Variants in ILF2 observed in about 807,000 individuals in gnomAD.
The protein encoded by ILF2 is interleukin enhancer-binding factor 2.
ILF2 carries 9 observed loss-of-function variants against 55.3 expected under a neutral mutation model. The observed-to-expected ratio is 0.16, with a 90% CI of 0.10 to 0.28. ILF2 has a LOEUF of 0.28. ILF2 is among the 10% of genes least tolerant of loss of function. The pLI is 1.00. For synonymous variants in ILF2, 151 were observed against 161.8 expected (o/e 0.93, Z 0.50); for missense variants, 266 against 474.9 (o/e 0.56, Z 4.09).
chr1:153,663,420 C>G (rs1418786438), intron 10 of ILF2, 144 bp from the exon 11 acceptor site: 13 of 739,208 alleles, frequency 1.8e-5, no homozygotes, highest in African/African-American at 3.5e-5. Context: ...CCGCGAACTC[C>G]TGGGCTCAAG....
At position 153,668,574 on chromosome 1, in the gene ILF2, C is replaced by G; in HGVS notation, c.109-17G>C. 1 of 1,600,704 alleles carries G rather than the reference C, an allele frequency of 6.2e-7. No homozygotes were observed. The highest frequency in any genetic ancestry group is 8.5e-7 in the Non-Finnish European group (1 of 1,173,258). ...CATTTCACACTAAACCAGAAGTAAA[C>G]AACTACATTCTATTTGCCGAAGATA... is the stretch of plus-strand genomic sequence containing the variant. On this transcript the variant is annotated splice_polypyrimidine_tract_variant and intron_variant, in intron 3 of 13. Transcript: ENST00000361891.
chr1:153,665,778 T>C, intron 6 of ILF2, 50 bp from the exon 7 acceptor site: 2 of 1,392,906 alleles, frequency 1.4e-6, no homozygotes, highest in Non-Finnish European at 2.0e-6. Flanking sequence ...TTGCCTAGAC[T>C]TTCTATGTAT....
At position 153,665,406 on chromosome 1, in the gene ILF2, G is replaced by A. The variant is rs372007721; in HGVS notation, c.461-70C>T. On this transcript the variant is annotated intron_variant, in intron 7 of 13. Transcript: ENST00000361891. Reference sequence around the variant, plus strand: ...AGATGATCAAAGTTAAATCCAGGGTGGGGGGGAACAGGTGGATTTTTTAAA... The same window carrying A: ...AGATGATCAAAGTTAAATCCAGGGTAGGGGGGAACAGGTGGATTTTTTAAA... 24 of 1,038,630 alleles carry A rather than the reference G, an allele frequency of 2.3e-5. No individual in the cohort carries two copies. The African/African-American group carries it at 2.7e-4, about 12-fold the overall frequency. The allele number at this position is 1,038,630 out of a possible 1,614,324, so 64.3% of individuals were successfully genotyped here. A position where few individuals can be genotyped will look rare whatever the true frequency, so the allele number is the denominator to read the frequency against.
chr1:153,667,044 C>T (rs567483611), intron 6 of ILF2, among the ~76,000 whole-genome samples: 1 of 152,336 alleles, frequency 6.6e-6, no homozygotes, highest in Admixed American at 6.5e-5. Context: ...ACAGCTAGAA[C>T]CCAGGAGGTG....
Position 153,662,714 on chromosome 1 carries a change from C to T in ILF2, c.1003G>A (p.Asp335Asn). ...GFRKILGQEG[D>N]ASYLASEIST... Reference sequence around the variant, plus strand: ...CACAGTGGTCACTCACAGCTGGCATCACCCTCCTGGCCAAGGATCTTCCTA... The same window carrying T: ...CACAGTGGTCACTCACAGCTGGCATTACCCTCCTGGCCAAGGATCTTCCTA... Residue 335 changes from aspartate to asparagine, a missense_variant, in exon 13 of 14, where the codon GAT becomes AAT. Coordinates refer to ENST00000361891, the MANE Select transcript of ILF2 (RefSeq NM_004515.4). 6.2e-7 allele frequency: 1 copy of T among 1,614,128 alleles called. No homozygotes were observed. Among genetic ancestry groups the T allele is most frequent in the South Asian group, 1.1e-5 (1 of 91,078 alleles).
At chr1:153,665,395 A>G in intron 7 of ILF2, 59 bp from the exon 8 acceptor site, 1 of 1,157,378 alleles carries the variant, frequency 8.6e-7, no homozygotes, top group Non-Finnish European at 1.3e-6. Flanking sequence ...GATCAAAGTT[A>G]AATCCAGGGT....
intron 9 of ILF2, 67 bp from the exon 10 acceptor site, chr1:153,664,197 T>A (rs76208929): frequency 9.3e-7 from 1 of 1,078,700 alleles, no homozygotes; most frequent in African/African-American, 1.6e-5. Flanking sequence ...TAAGGTAGAA[T>A]TGAAGCTGAC....
chr1:153,663,968 C>T (rs1571334317), intron 10 of ILF2, 75 bp downstream of exon 10: 1 of 688,828 alleles, frequency 1.5e-6, no homozygotes. Context: ...ACTACTACTA[C>T]TACTACTACT....
Position 153,670,224 on chromosome 1 carries a change from G to C in ILF2, c.12C>G (p.Asp4Glu). Reference sequence around the variant, plus strand: ...AGCGCCCACCACGACCACGGCCTCTGTCACCCCTAGAAATGCAGATTTTAT... The same window carrying C: ...AGCGCCCACCACGACCACGGCCTCTCTCACCCCTAGAAATGCAGATTTTAT... MRG[D>E]RGRGRGGRFG... Residue 4 changes from aspartate (D) to glutamate (E), a missense_variant, in exon 2 of 14, where the codon GAC (aspartate) becomes GAG (glutamate). Asp to Glu is a conservative substitution (Grantham distance 45). Coordinates refer to ENST00000361891, the MANE Select transcript of ILF2 (RefSeq NM_004515.4). 1 of 1,613,900 alleles carries C rather than the reference G, an allele frequency of 6.2e-7. No individual in the cohort carries two copies. Among genetic ancestry groups the C allele is most frequent in the Non-Finnish European group, 8.5e-7 (1 of 1,179,950 alleles).
In ILF2 at chr1:153,662,337, T is replaced by G; in HGVS notation, c.*59A>C. On this transcript the variant is annotated 3_prime_UTR_variant, in exon 14 of 14. Coordinates refer to ENST00000361891, the MANE Select transcript of ILF2 (RefSeq NM_004515.4). Reference sequence around the variant, plus strand: ...ATGTCTGTCACCATGTAAAGCCCAGTAGCAGGCAGCTTAGGCTCCAGTCTT... The same window carrying G: ...ATGTCTGTCACCATGTAAAGCCCAGGAGCAGGCAGCTTAGGCTCCAGTCTT... The G allele has an allele frequency of 1.2e-6, 2 of 1,606,864 alleles. No individual in the cohort carries two copies. The highest frequency in any genetic ancestry group is 2.2e-5 in the South Asian group (2 of 90,224).
intron 6 of ILF2, 81 bp downstream of exon 6, chr1:153,667,474 G>T: frequency 1.0e-6 from 1 of 995,006 alleles, no homozygotes. Flanking sequence ...GGGAGAATTT[G>T]TCTCAAAACA....
intron 10 of ILF2, 29 bp from the exon 11 acceptor site, chr1:153,663,305 C>G (rs749629839): frequency 1.2e-6 from 2 of 1,603,518 alleles, no homozygotes; most frequent in East Asian, 4.5e-5. Flanking sequence ...AGTAGGTGTG[C>G]CATCAAAATG....
chr1:153,669,625 G>T (rs1198513775), intron 3 of ILF2, among the ~76,000 whole-genome samples: 3 of 152,022 alleles, frequency 2.0e-5, no homozygotes, highest in Admixed American at 2.0e-4. Flanking sequence ...ATTTTTAGTA[G>T]AGACGGGGTT....
Position 153,667,596 on chromosome 1 carries a change from T to C in ILF2, c.353A>G (p.Asn118Ser). The change falls in exon 6 of 14, where the codon AAT becomes AGT. Residue 118 changes from asparagine (N) to serine (S), a missense_variant. By Grantham distance (46) the Asn-to-Ser change is conservative. Transcript: ENST00000361891. Reference protein sequence around the residue: ...YKKGTMTTGHNVADLVVILKI... With the variant: ...YKKGTMTTGHSVADLVVILKI... ...GAGTATCACCACCAGGTCAGCCACA[T>C]TGTGTCCTGTAGTCATTGTCCCCTT... 6.2e-7 allele frequency: 1 copy of C among 1,614,018 alleles called. No individual in the cohort carries two copies. Among genetic ancestry groups the C allele is most frequent in the South Asian group, 1.1e-5 (1 of 91,084 alleles).
chr1:153,670,254 AC>A, intron 1 of ILF2, 24 bp from the exon 2 acceptor site: 1 of 1,612,608 alleles, frequency 6.2e-7, no homozygotes, highest in Non-Finnish European at 8.5e-7. Flanking sequence ...TTTTATTTTG[AC>A]CTCATTGAAG....
At chr1:153,670,838 T>C (rs1669451466) in intron 1 of ILF2, 80 bp downstream of exon 1, 2 of 1,553,280 alleles carry the variant, frequency 1.3e-6, no homozygotes, top group Non-Finnish European at 1.8e-6. Context: ...CCCTTTCTGA[T>C]ACTCCGACTT....
chr1:153,663,211 G>A lies in ILF2; in HGVS notation c.806+4C>T. On this transcript the variant is annotated splice_donor_region_variant and intron_variant, in intron 11 of 13. Transcript: ENST00000361891. ...ACCAACCCTAAACCCAAAGCATGCT[G>A]TACCTGTATGCAACGTTTAGGGCCA... is the stretch of plus-strand genomic sequence containing the variant. 5 of 1,614,136 alleles carry A rather than the reference G, an allele frequency of 3.1e-6. No homozygotes were observed. Among genetic ancestry groups the A allele is most frequent in the Non-Finnish European group, 4.2e-6 (5 of 1,180,002 alleles).
chr1:153,664,524 G>A, intron 8 of ILF2, 50 bp from the exon 9 acceptor site: 1 of 1,391,942 alleles, frequency 7.2e-7, no homozygotes, highest in Non-Finnish European at 1.0e-6. Flanking sequence ...CATTAAACAA[G>A]CTACTCATTA....
intron 9 of ILF2, 120 bp downstream of exon 9, chr1:153,664,276 T>C (rs1485542052): frequency 1.9e-6 from 2 of 1,067,524 alleles, no homozygotes; most frequent in African/African-American, 3.2e-5. Context: ...AAGGTAAAAA[T>C]AAAAATCCAG....
Sources: allele counts gnomAD v4.1 joint callset (sites outside exome capture counted in the v4.1 genomes callset), GRCh38; gene constraint gnomAD v4.1.1; transcripts MANE v1.5; gene names NCBI Gene and HGNC (gene_info 2026-07-23, HGNC 2026-07-21).